The following METTL25 variants were observed in gnomAD, a reference collection of about 807,000 sequenced individuals.
METTL25 encodes the protein probable methyltransferase-like protein 25.
METTL25 carries 64 observed loss-of-function variants against 71.6 expected under a neutral mutation model. That is an observed-to-expected ratio of 0.89 (90% CI 0.73 to 1.10). The LOEUF is 1.10. Ranked by LOEUF, METTL25 falls within the 50% of genes least tolerant of loss-of-function variation. The pLI, the probability that METTL25 is intolerant of heterozygous loss-of-function variation, is 0.00. For missense variants in METTL25, 807 were observed against 707.0 expected, an observed-to-expected ratio of 1.14 and a Z score of -1.60; for synonymous variants, 287 against 250.3, an observed-to-expected ratio of 1.15 and a Z score of -1.38.
intron 9 of METTL25, among the ~76,000 whole-genome samples, chr12:82,471,434 T>C (rs1341841498): frequency 6.6e-6 from 1 of 152,210 alleles, no homozygotes; most frequent in Non-Finnish European, 1.5e-5. Flanking sequence ...CCTCTGGGAA[T>C]ATGGTTGGCT....
At chr12:82,419,336 T>A (rs1167100344) in intron 5 of METTL25, among the ~76,000 whole-genome samples, 1 of 152,118 alleles carries the variant, frequency 6.6e-6, no homozygotes, top group African/African-American at 2.4e-5. Context: ...TGTCCTTATC[T>A]CTAAAATTAC....
At chr12:82,415,885 T>C (rs1467442889) in intron 5 of METTL25, among the ~76,000 whole-genome samples, 1 of 152,102 alleles carries the variant, frequency 6.6e-6, no homozygotes, top group African/African-American at 2.4e-5. Flanking sequence ...AGTTGACACA[T>C]GAAATTAACC....
chr12:82,400,739 C>T (rs1476049640), intron 4 of METTL25, among the ~76,000 whole-genome samples: 7 of 152,052 alleles, frequency 4.6e-5, no homozygotes, highest in African/African-American at 1.7e-4. Context: ...TAGCAAATCA[C>T]AATTTAATAA....
At chr12:82,402,287 AT>A (rs1886695105) in intron 4 of METTL25, among the ~76,000 whole-genome samples, 1 of 152,098 alleles carries the variant, frequency 6.6e-6, no homozygotes, top group Middle Eastern at 3.2e-3. Context: ...ACAGTTATTT[AT>A]TTTTTATAAC....
At chr12:82,434,587 CAT>C (rs1234491972) in intron 6 of METTL25, 106 bp from the exon 7 acceptor site, 2 of 851,462 alleles carry the variant, frequency 2.3e-6, no homozygotes, top group African/African-American at 1.7e-5. Flanking sequence ...CATATTATCA[CAT>C]AATTAATCTT....
intron 5 of METTL25, among the ~76,000 whole-genome samples, chr12:82,406,874 G>C (rs1887143532): frequency 6.6e-6 from 1 of 152,140 alleles, no homozygotes; most frequent in Non-Finnish European, 1.5e-5. Context: ...AAGGAAGTAA[G>C]AAGTGTATTG....
intron 1 of METTL25, among the ~76,000 whole-genome samples, chr12:82,366,664 A>G (rs1882610740): frequency 6.6e-6 from 1 of 152,016 alleles, no homozygotes; most frequent in Non-Finnish European, 1.5e-5. Context: ...ATTCGAATGC[A>G]TTGAAATTGC....
At chr12:82,465,135 A>G (rs1454731124) in intron 9 of METTL25, among the ~76,000 whole-genome samples, 1 of 151,860 alleles carries the variant, frequency 6.6e-6, no homozygotes, top group East Asian at 1.9e-4. Flanking sequence ...AACTTCCAGT[A>G]CTGTGTTGCA....
At chr12:82,404,781 A>G (rs1886939601) in intron 5 of METTL25, among the ~76,000 whole-genome samples, 1 of 152,074 alleles carries the variant, frequency 6.6e-6, no homozygotes, top group African/African-American at 2.4e-5. Context: ...CGTTTCTACT[A>G]AAGATACAAA....
intron 9 of METTL25, among the ~76,000 whole-genome samples, chr12:82,472,394 C>T (rs1477125715): frequency 1.3e-5 from 2 of 152,250 alleles, no homozygotes; most frequent in East Asian, 1.9e-4. Context: ...GTCAGGAGAT[C>T]GAGCCCATCC....
At chr12:82,441,920 A>G (rs904136511) in intron 8 of METTL25, among the ~76,000 whole-genome samples, 1 of 151,878 alleles carries the variant, frequency 6.6e-6, no homozygotes, top group Non-Finnish European at 1.5e-5. Flanking sequence ...GGCTGTAATG[A>G]AACTCCCTTA....
intron 9 of METTL25, among the ~76,000 whole-genome samples, chr12:82,467,446 T>C (rs1283966532): frequency 6.6e-6 from 1 of 152,142 alleles, no homozygotes; most frequent in African/African-American, 2.4e-5. Flanking sequence ...TGAGTACTTT[T>C]AAAGGCCAGT....
At chr12:82,372,338 G>A (rs991675418) in intron 1 of METTL25, among the ~76,000 whole-genome samples, 32 of 152,124 alleles carry the variant, frequency 2.1e-4, no homozygotes, top group Admixed American at 1.0e-3. Flanking sequence ...CCTTTGGAGA[G>A]TTCTTTGCTT....
intron 5 of METTL25, among the ~76,000 whole-genome samples, chr12:82,424,365 A>G (rs959516213): frequency 9.9e-5 from 15 of 151,858 alleles, no homozygotes; most frequent in Admixed American, 5.9e-4. Context: ...GAAGGGGAGC[A>G]TCACACCCCG....
chr12:82,388,632 C>A (rs1885276141), intron 2 of METTL25, among the ~76,000 whole-genome samples: 1 of 151,976 alleles, frequency 6.6e-6, no homozygotes, highest in Non-Finnish European at 1.5e-5. Context: ...GATGTTATAT[C>A]CTAGGCAAGA....
intron 7 of METTL25, among the ~76,000 whole-genome samples, chr12:82,435,133 T>G (rs1424426904): frequency 6.6e-6 from 1 of 151,496 alleles, no homozygotes; most frequent in Non-Finnish European, 1.5e-5. Context: ...CTGACTTGAT[T>G]AACCATTAGT....
intron 5 of METTL25, among the ~76,000 whole-genome samples, chr12:82,410,815 C>G (rs114122501): frequency 6.6e-6 from 1 of 151,980 alleles, no homozygotes; most frequent in Non-Finnish European, 1.5e-5. Context: ...CCAACTAATA[C>G]GGAAGCTGAT....
At chr12:82,427,108 A>G (rs1242222120) in intron 5 of METTL25, among the ~76,000 whole-genome samples, 1 of 151,918 alleles carries the variant, frequency 6.6e-6, no homozygotes, top group Admixed American at 6.6e-5. Context: ...AAAATTGCCT[A>G]TATATACTGC....
intron 5 of METTL25, among the ~76,000 whole-genome samples, chr12:82,413,321 C>T (rs1293619438): frequency 6.6e-6 from 1 of 151,972 alleles, no homozygotes; most frequent in African/African-American, 2.4e-5. Flanking sequence ...ACTAAGTATG[C>T]ACCCACTGCC....
Sources: gnomAD v4.1 joint callset for allele counts (sites outside exome capture counted in the v4.1 genomes callset) on GRCh38, gnomAD v4.1.1 for gene constraint, MANE v1.5 for transcripts, NCBI Gene and HGNC (gene_info 2026-07-23, HGNC 2026-07-21) for gene names.